The following HHLA2 variants were observed in gnomAD, a reference collection of about 807,000 sequenced individuals.
The protein encoded by HHLA2 is HHLA2 member of B7 family, also known as HERV-H LTR-associating protein 2.
HHLA2 carries 48 observed loss-of-function variants against 45.9 expected under a neutral mutation model. The observed-to-expected ratio is 1.05, with a 90% confidence interval of 0.83 to 1.33. The LOEUF is 1.33. HHLA2 is among the 40% of genes most tolerant of loss of function. HHLA2 has a pLI of 0.00. For synonymous variants in HHLA2, 161 were observed against 173.9 expected, an observed-to-expected ratio of 0.93 and a Z score of 0.59; for missense variants, 462 against 494.3, an observed-to-expected ratio of 0.93 and a Z score of 0.62.
At chr3:108,335,766 A>G (rs1028194505) in intron 3 of HHLA2, among the ~76,000 whole-genome samples, 1 of 152,142 alleles carries the variant, frequency 6.6e-6, no homozygotes, top group African/African-American at 2.4e-5. Flanking sequence ...GGACTTTCTG[A>G]TGAGCATCCA....
rs1213003643 is a variant in HHLA2 at position 108,298,456 on chromosome 3, T to TAGCCCCAA, written c.-192+1857_-192+1858insAGCCCCAA. On this transcript the variant is annotated intron_variant, in intron 1 of 10. Coordinates refer to ENST00000619531, the Ensembl canonical transcript of HHLA2. ...GTAGTGTTTATATGTTCAAAATCCTTCTAATTTAGCCCCAACTAAAGTTTC... is the reference window on the plus strand; with the variant it reads ...GTAGTGTTTATATGTTCAAAATCCTTAGCCCCAACTAATTTAGCCCCAACTAAAGTTTC... Among the ~76,000 whole-genome samples, 3 of 152,200 alleles carry TAGCCCCAA rather than the reference T, an allele frequency of 2.0e-5. No individual in the cohort carries two copies. In the East Asian group the frequency reaches 5.8e-4, roughly 29 times the overall value.
chr3:108,305,226 G>C (rs1397429064), intron 1 of HHLA2, among the ~76,000 whole-genome samples: 3 of 152,126 alleles, frequency 2.0e-5, no homozygotes. Context: ...GCTTTATTTG[G>C]GAGGTTAAAA....
chr3:108,342,312 G>A (rs1485187851), intron 3 of HHLA2, among the ~76,000 whole-genome samples: 1 of 134,564 alleles, frequency 7.4e-6, no homozygotes, highest in Non-Finnish European at 1.5e-5. Flanking sequence ...CACCCAGGCT[G>A]GAGTGCAACG....
rs529518069 is a variant in HHLA2, at chr3:108,343,925, A to T, written c.-26-7863A>T. Among the ~76,000 whole-genome samples the T allele has an allele frequency of 1.1e-4, 16 of 152,302 alleles. No individual in the cohort carries two copies. In the South Asian group the frequency reaches 2.9e-3, roughly 28 times the overall value. On this transcript the variant is annotated intron_variant, in intron 3 of 10. Coordinates refer to ENST00000619531, the Ensembl canonical transcript of HHLA2. ...GATGTTTTGACCCCACAGACTGTTG[A>T]TCCTCCTCAATGTTACAGAAACTTG... is the stretch of plus-strand genomic sequence containing the variant.
At chr3:108,301,550 C>T (rs1219251781) in intron 1 of HHLA2, among the ~76,000 whole-genome samples, 1 of 151,594 alleles carries the variant, frequency 6.6e-6, no homozygotes, top group African/African-American at 2.4e-5. Context: ...CAATTTTCCT[C>T]CCCTGCCCCC....
chr3:108,335,790 T>A (rs1217878607), intron 3 of HHLA2, among the ~76,000 whole-genome samples: 1 of 152,082 alleles, frequency 6.6e-6, no homozygotes, highest in Non-Finnish European at 1.5e-5. Flanking sequence ...AGAACATGAC[T>A]GAGGCAGCCA....
intron 8 of HHLA2, among the ~76,000 whole-genome samples, chr3:108,373,335 T>A (rs995693146): frequency 1.3e-5 from 2 of 152,192 alleles, no homozygotes; most frequent in Non-Finnish European, 2.9e-5. Context: ...TATCTCAGAA[T>A]AATAAGAGCT....
intron 8 of HHLA2, among the ~76,000 whole-genome samples, chr3:108,363,975 C>CT (rs56827543): frequency 0.037 from 1,959 of 52,642 alleles, 48 homozygotes; most frequent in African/African-American, 0.081. Context: ...TGACTTACTT[C>CT]TTTTTTTTTT....
chr3:108,314,766 G>A (rs991592096), intron 2 of HHLA2, among the ~76,000 whole-genome samples: 3 of 152,168 alleles, frequency 2.0e-5, no homozygotes, highest in African/African-American at 7.2e-5. Context: ...CACAAGGAAG[G>A]AAACAGTTTA....
intron 1 of HHLA2, among the ~76,000 whole-genome samples, chr3:108,298,940 G>T (rs375994125): frequency 1.7e-4 from 26 of 152,236 alleles, no homozygotes; most frequent in East Asian, 9.6e-4. Context: ...TGTTTCAGGT[G>T]GGATGTCTTC....
Position 108,369,488 on chromosome 3 carries a change from C to T in HHLA2, c.1109-6262C>T, listed in dbSNP as rs568096649. Among the ~76,000 whole-genome samples the T allele has an allele frequency of 2.3e-4, 35 of 152,246 alleles. No homozygotes were observed. The South Asian group carries it at 7.3e-3, about 32-fold the overall frequency. ...GTGCAGGACAGTGGGTGCAGTGCAC[C>T]ATGTGTGAGCCAAAGCAGGGTGAGG... On this transcript the variant is annotated intron_variant, in intron 8 of 10. Coordinates refer to ENST00000619531, the Ensembl canonical transcript of HHLA2.
intron 8 of HHLA2, among the ~76,000 whole-genome samples, chr3:108,368,043 G>A (rs563658648): frequency 3.3e-5 from 5 of 152,138 alleles, no homozygotes; most frequent in South Asian, 2.1e-4. Flanking sequence ...AAGAGAGTGG[G>A]GGCCAATATT....
At chr3:108,355,426 TG>T (rs750397542) in intron 6 of HHLA2, 45 bp downstream of exon 5, 4 of 1,552,270 alleles carry the variant, frequency 2.6e-6, no homozygotes, top group Non-Finnish European at 3.5e-6. Context: ...GTTTCAAAGT[TG>T]GGGGGTAATG....
chr3:108,316,588 T>C (rs1474784726), intron 2 of HHLA2, among the ~76,000 whole-genome samples: 1 of 152,052 alleles, frequency 6.6e-6, no homozygotes, highest in African/African-American at 2.4e-5. Context: ...CTGGTGTACC[T>C]TGGAAGAGAA....
intron 8 of HHLA2, among the ~76,000 whole-genome samples, chr3:108,363,406 T>A (rs1347532384): frequency 6.6e-6 from 1 of 152,160 alleles, no homozygotes; most frequent in Non-Finnish European, 1.5e-5. Flanking sequence ...GCTCTGGGTG[T>A]CCTGGGAACT....
chr3:108,328,326 A>G (rs1220201411), exon 3 of HHLA2: 1 of 1,531,852 alleles, frequency 6.5e-7, no homozygotes, highest in South Asian at 1.2e-5. Flanking sequence ...AATATACTAA[A>G]GCCTAGAACG....
At chr3:108,362,187 A>G (rs1353900484) in intron 7 of HHLA2, among the ~76,000 whole-genome samples, 155 bp from the exon 7 acceptor site, 1 of 152,154 alleles carries the variant, frequency 6.6e-6, no homozygotes, top group African/African-American at 2.4e-5. Context: ...TTTATTATGC[A>G]AAGTGTTTTC....
chr3:108,375,903 A>G (rs2082267622), intron 9 of HHLA2, 103 bp downstream of exon 8: 1 of 1,446,266 alleles, frequency 6.9e-7, no homozygotes, highest in Non-Finnish European at 9.3e-7. Flanking sequence ...TTTAAAAAAT[A>G]GATATATTCC....
At chr3:108,338,665 A>G (rs1262491568) in intron 3 of HHLA2, among the ~76,000 whole-genome samples, 2 of 152,172 alleles carry the variant, frequency 1.3e-5, no homozygotes, top group East Asian at 3.9e-4. Context: ...AATTTGCAGT[A>G]AGTAGTACTC....
Sources: allele counts gnomAD v4.1 joint callset (sites outside exome capture counted in the v4.1 genomes callset), GRCh38; gene constraint gnomAD v4.1.1; transcripts MANE v1.5; gene names NCBI Gene and HGNC (gene_info 2026-07-23, HGNC 2026-07-21).